KIF5C: variants seen among roughly 807,000 people sequenced by gnomAD.
KIF5C encodes the protein kinesin heavy chain isoform 5C.
KIF5C carries 18 observed loss-of-function variants against 125.2 expected under a neutral mutation model. The observed-to-expected ratio is 0.14, with a 90% CI of 0.10 to 0.21. KIF5C has a LOEUF of 0.21. Ranked by LOEUF, KIF5C falls within the 10% of genes least tolerant of loss-of-function variation. The pLI, the probability that KIF5C is intolerant of heterozygous loss-of-function variation, is 1.00. For synonymous variants in KIF5C, 405 were observed against 434.0 expected (o/e 0.93, Z 0.83); for missense variants, 780 against 1,183.8 (o/e 0.66, Z 5.01).
chr2:149,018,127 AAAAAT>A (rs1309578956), intron 25 of KIF5C, among the ~76,000 whole-genome samples: 1 of 152,094 alleles, frequency 6.6e-6, no homozygotes, highest in African/African-American at 2.4e-5. Context: ...TGTCTTTACT[AAAAAT>A]AAAAAAATTA....
At chr2:148,974,767 T>C (rs1681017526) in intron 12 of KIF5C, among the ~76,000 whole-genome samples, 1 of 152,216 alleles carries the variant, frequency 6.6e-6, no homozygotes, top group African/African-American at 2.4e-5. Context: ...TTTTTTTTCC[T>C]CATTTTAGAA....
intron 1 of KIF5C, among the ~76,000 whole-genome samples, chr2:148,904,412 C>G (rs1395793062): frequency 1.3e-5 from 2 of 152,162 alleles, no homozygotes; most frequent in Non-Finnish European, 2.9e-5. Flanking sequence ...ATCGATCTCA[C>G]GAGTGTATTG....
intron 19 of KIF5C, 29 bp downstream of exon 19, chr2:148,998,538 G>C: frequency 6.4e-7 from 1 of 1,551,212 alleles, no homozygotes; most frequent in Non-Finnish European, 8.7e-7. Flanking sequence ...CCAGGGGTGT[G>C]GGGGTGGTCA....
chr2:148,933,593 C>T (rs1047062281), intron 3 of KIF5C, among the ~76,000 whole-genome samples: 3 of 150,942 alleles, frequency 2.0e-5, no homozygotes, highest in Non-Finnish European at 4.4e-5. Context: ...CACGTATACA[C>T]ACACAGACAC....
chr2:148,925,776 G>A (rs542115159), intron 2 of KIF5C, among the ~76,000 whole-genome samples: 46 of 152,380 alleles, frequency 3.0e-4, no homozygotes, highest in Middle Eastern at 3.4e-3. Context: ...GGTGTGGGAG[G>A]AGGGTAGAGA....
At chr2:148,911,322 A>C (rs1681327504) in intron 1 of KIF5C, among the ~76,000 whole-genome samples, 1 of 152,196 alleles carries the variant, frequency 6.6e-6, no homozygotes, top group Non-Finnish European at 1.5e-5. Flanking sequence ...AGAAGGGGTC[A>C]AAGAGGAAGG....
chr2:149,012,678 G>A (rs541783387), intron 25 of KIF5C, among the ~76,000 whole-genome samples: 1 of 152,374 alleles, frequency 6.6e-6, no homozygotes, highest in Admixed American at 6.5e-5. Flanking sequence ...GCTGCCCCAG[G>A]CAGTGCCAAC....
At chr2:148,925,842 G>A (rs2105087167) in intron 2 of KIF5C, among the ~76,000 whole-genome samples, 1 of 152,368 alleles carries the variant, frequency 6.6e-6, no homozygotes, top group Middle Eastern at 3.4e-3. Context: ...TGGCCTGCCA[G>A]TGATGAGGTG....
chr2:149,008,993 T>G lies in KIF5C; in HGVS notation c.2550+926T>G, dbSNP rs1399529523. 1.6e-3 allele frequency among the ~76,000 whole-genome samples: 202 copies of G among 123,540 alleles called. 2 individuals are homozygous for G. Among genetic ancestry groups the G allele is most frequent in the African/African-American group, 7.6e-3 (168 of 21,976 alleles). The allele number at this position is 123,540 out of a possible 152,430, so 81.0% of individuals were successfully genotyped here. ...TATTTATTTTTGTTTTTTTTAATGT[T>G]TTTTTTTTTTTTTTGAGGCAGAGTC... is the stretch of plus-strand genomic sequence containing the variant. On this transcript the variant is annotated intron_variant, in intron 23 of 25. Transcript: ENST00000435030.
chr2:148,969,422 A>AGTGT (rs151238332), intron 11 of KIF5C, among the ~76,000 whole-genome samples: 46,297 of 141,062 alleles, frequency 0.33, 7,583 homozygotes, highest in South Asian at 0.41. Flanking sequence ...GAAGGTTTCC[A>AGTGT]GTGTGTGTGT....
intron 25 of KIF5C, among the ~76,000 whole-genome samples, chr2:149,018,295 A>C (rs1490088984): frequency 6.6e-6 from 1 of 152,150 alleles, no homozygotes; most frequent in Non-Finnish European, 1.5e-5. Flanking sequence ...CCTCAAAAAT[A>C]AATAAACAAA....
At chr2:148,894,936 C>T (rs958758326) in intron 1 of KIF5C, among the ~76,000 whole-genome samples, 7 of 150,586 alleles carry the variant, frequency 4.6e-5, no homozygotes, top group South Asian at 2.1e-4. Flanking sequence ...AACTGATGGG[C>T]GTTAGGTTAT....
chr2:148,912,718 G>A (rs1558887964), intron 1 of KIF5C, among the ~76,000 whole-genome samples: 1 of 152,168 alleles, frequency 6.6e-6, no homozygotes, highest in Non-Finnish European at 1.5e-5. Flanking sequence ...CAAAGTACTG[G>A]GATTACAGGT....
intron 15 of KIF5C, among the ~76,000 whole-genome samples, chr2:148,987,272 T>C (rs904414854): frequency 6.6e-6 from 1 of 152,202 alleles, no homozygotes; most frequent in Non-Finnish European, 1.5e-5. Context: ...CCATGTTCAC[T>C]TTTATTTGGA....
At chr2:148,994,112 T>G (rs985689930) in intron 16 of KIF5C, among the ~76,000 whole-genome samples, 4 of 152,214 alleles carry the variant, frequency 2.6e-5, no homozygotes, top group Non-Finnish European at 5.9e-5. Context: ...CTTTCTCTCA[T>G]GCATGCTTTT....
At chr2:148,985,717 T>C (rs1681364054) in intron 15 of KIF5C, among the ~76,000 whole-genome samples, 1 of 152,142 alleles carries the variant, frequency 6.6e-6, no homozygotes, top group Admixed American at 6.6e-5. Context: ...GACACTCAGG[T>C]CGTGAGCTGG....
intron 8 of KIF5C, chr2:148,947,954 C>A (rs1487742639): frequency 2.2e-6 from 1 of 456,744 alleles, no homozygotes; most frequent in East Asian, 6.9e-5. Flanking sequence ...TGGCCACTTA[C>A]ATCCACGTGA....
chr2:148,978,827 A>G (rs1681150673), intron 12 of KIF5C, 95 bp from the exon 13 acceptor site: 1 of 1,434,702 alleles, frequency 7.0e-7, no homozygotes, highest in Non-Finnish European at 9.2e-7. Context: ...CTTCCTTCTT[A>G]TCAGCAAGCT....
At chr2:148,894,875 G>A (rs550181131) in intron 1 of KIF5C, among the ~76,000 whole-genome samples, 7 of 150,908 alleles carry the variant, frequency 4.6e-5, no homozygotes, top group Admixed American at 2.0e-4. Context: ...GTTAAGATTT[G>A]GAAAGTAGAA....
Sources: allele counts gnomAD v4.1 joint callset (sites outside exome capture counted in the v4.1 genomes callset), GRCh38; gene constraint gnomAD v4.1.1; transcripts MANE v1.5; gene names NCBI Gene and HGNC (gene_info 2026-07-23, HGNC 2026-07-21).